Variants in MEF2C observed in about 807,000 individuals in gnomAD.
MEF2C encodes the protein myocyte enhancer factor 2C, also known as myocyte-specific enhancer factor 2C.
MEF2C carries 6 observed loss-of-function variants against 50.5 expected under a neutral mutation model. The ratio of observed to expected loss-of-function variants is 0.12; its 90% CI spans 0.07 to 0.23. The LOEUF is 0.23. Among genes scored for constraint, MEF2C ranks in the 10% least tolerant of loss-of-function variants. The pLI is 1.00. For missense variants in MEF2C, 276 were observed against 605.0 expected, an observed-to-expected ratio of 0.46 and a Z score of 5.70; for synonymous variants, 183 against 228.0, an observed-to-expected ratio of 0.80 and a Z score of 1.78.
intron 1 of MEF2C, among the ~76,000 whole-genome samples, chr5:88,903,738 AT>A (rs1439398988): frequency 6.6e-6 from 1 of 152,176 alleles, no homozygotes; most frequent in African/African-American, 2.4e-5. Context: ...AACCTAAAAA[AT>A]TGTTATATGG....
At chr5:88,881,902 G>C (rs1367112176) in intron 1 of MEF2C, among the ~76,000 whole-genome samples, 1 of 152,056 alleles carries the variant, frequency 6.6e-6, no homozygotes, top group Non-Finnish European at 1.5e-5. Context: ...ACCGGTTAAG[G>C]AACTGGCAGA....
chr5:88,881,292 G>C (rs1832742983), intron 1 of MEF2C: 1 of 152,122 alleles, frequency 6.6e-6, no homozygotes, highest in Admixed American at 6.5e-5. Context: ...TCTTGAAATA[G>C]GATGTTAGAT....
intron 1 of MEF2C, among the ~76,000 whole-genome samples, chr5:88,855,417 A>G (rs190024611): frequency 1.3e-5 from 2 of 152,346 alleles, no homozygotes; most frequent in East Asian, 1.9e-4. Context: ...AACTGTTCAC[A>G]GATTATTTTT....
chr5:88,857,969 T>TA (rs1418413751), intron 1 of MEF2C, among the ~76,000 whole-genome samples: 1 of 152,214 alleles, frequency 6.6e-6, no homozygotes, highest in Non-Finnish European at 1.5e-5. Context: ...AAGCATGATT[T>TA]TAAAAACAAT....
intron 3 of MEF2C, among the ~76,000 whole-genome samples, chr5:88,774,513 G>A (rs1308584288): frequency 4.0e-5 from 6 of 151,842 alleles, no homozygotes; most frequent in Admixed American, 2.6e-4. Flanking sequence ...TAGTAGAGAC[G>A]GGGTTTCACC....
At chr5:88,878,628 TAATA>T (rs1040397695) in intron 1 of MEF2C, among the ~76,000 whole-genome samples, 16 of 152,072 alleles carry the variant, frequency 1.1e-4, no homozygotes, top group African/African-American at 3.9e-4. Flanking sequence ...TGTTATTTTC[TAATA>T]AATATACTCC....
At chr5:88,744,802 G>A (rs796339162) in intron 6 of MEF2C, among the ~76,000 whole-genome samples, 1 of 152,132 alleles carries the variant, frequency 6.6e-6, no homozygotes, top group Admixed American at 6.5e-5. Context: ...TTCAAGTTAA[G>A]TGATGATAAG....
chr5:88,890,714 G>T (rs1165473535), intron 1 of MEF2C, among the ~76,000 whole-genome samples: 1 of 152,142 alleles, frequency 6.6e-6, no homozygotes, highest in East Asian at 1.9e-4. Context: ...CACATTTTAG[G>T]ACACTCTTGG....
intron 1 of MEF2C, chr5:88,825,693 C>T: frequency 2.2e-6 from 2 of 908,092 alleles, no homozygotes; most frequent in Non-Finnish European, 2.6e-6. Context: ...AATGGGGCAA[C>T]TTTCCTGTGT....
intron 3 of MEF2C, chr5:88,766,836 GA>G (rs1386333071): frequency 6.1e-6 from 6 of 984,600 alleles, no homozygotes; most frequent in Admixed American, 6.2e-5. Context: ...CAAAAACCAA[GA>G]AAAAAAAGCA....
At chr5:88,752,694 G>T (rs1773393944) in intron 4 of MEF2C, 1 of 985,366 alleles carries the variant, frequency 1.0e-6, no homozygotes, top group African/African-American at 1.7e-5. Context: ...CTGACAAATG[G>T]CAAGACCTGT....
chr5:88,728,672 A>T (rs1412065626), intron 9 of MEF2C, 44 bp from the exon 10 acceptor site: 1 of 1,250,974 alleles, frequency 8.0e-7, no homozygotes, highest in African/African-American at 1.6e-5. Context: ...TTAAATTTAG[A>T]AATTATCAAA....
At chr5:88,769,934 C>G (rs1781638809) in intron 3 of MEF2C, 1 of 982,894 alleles carries the variant, frequency 1.0e-6, no homozygotes, top group African/African-American at 1.7e-5. Flanking sequence ...GCATGGGCCA[C>G]TGTGTCCAGC....
intron 1 of MEF2C, among the ~76,000 whole-genome samples, chr5:88,871,832 C>G (rs1245100777): frequency 6.6e-6 from 1 of 151,948 alleles, no homozygotes; most frequent in Non-Finnish European, 1.5e-5. Flanking sequence ...CAAATTAAGA[C>G]AAGTTCACTT....
At chr5:88,784,450 CTAAAA>C (rs1167435186) in intron 3 of MEF2C, among the ~76,000 whole-genome samples, 1 of 152,126 alleles carries the variant, frequency 6.6e-6, no homozygotes, top group Non-Finnish European at 1.5e-5. Flanking sequence ...TAAAATGCTA[CTAAAA>C]TAACTATATT....
At chr5:88,755,585 G>C (rs906875393) in intron 4 of MEF2C, among the ~76,000 whole-genome samples, 1 of 152,134 alleles carries the variant, frequency 6.6e-6, no homozygotes, top group East Asian at 1.9e-4. Context: ...GAGTGTCTCA[G>C]GTTTTAGGAA....
intron 1 of MEF2C, among the ~76,000 whole-genome samples, chr5:88,871,869 G>C (rs1440497528): frequency 6.6e-6 from 1 of 151,984 alleles, no homozygotes; most frequent in Non-Finnish European, 1.5e-5. Context: ...TTGATAAGCT[G>C]TGGTCATAAT....
chr5:88,885,914 G>C (rs1834003634), upstream of MEF2C, among the ~76,000 whole-genome samples: 1 of 151,996 alleles, frequency 6.6e-6, no homozygotes, highest in South Asian at 2.1e-4. Context: ...CTTTCAAAAA[G>C]AAATTATTTT....
At chr5:88,786,615 T>C (rs1369193300) in intron 3 of MEF2C, among the ~76,000 whole-genome samples, 2 of 152,206 alleles carry the variant, frequency 1.3e-5, no homozygotes, top group African/African-American at 2.4e-5. Flanking sequence ...ACCATCTGTT[T>C]ATAGAAAAAC....
Sources: allele counts gnomAD v4.1 joint callset (sites outside exome capture counted in the v4.1 genomes callset), GRCh38; gene constraint gnomAD v4.1.1; transcripts MANE v1.5; gene names NCBI Gene and HGNC (gene_info 2026-07-23, HGNC 2026-07-21).